SYNPO2: variants seen among roughly 807,000 people sequenced by gnomAD.
SYNPO2 encodes the protein synaptopodin-2.
In SYNPO2, 56 loss-of-function variants were observed where a neutral mutation model predicts 85.0. The observed-to-expected ratio is 0.66, with a 90% CI of 0.53 to 0.82. SYNPO2 has a LOEUF of 0.82. SYNPO2 is among the 40% of genes least tolerant of loss of function. SYNPO2 has a pLI of 0.00. For synonymous variants in SYNPO2, 602 were observed against 591.1 expected (o/e 1.02, Z -0.27); for missense variants, 1,575 against 1,534.2 (o/e 1.03, Z -0.44).
In SYNPO2 at chr4:119,031,765, A is replaced by G. The variant is rs766131048; in HGVS notation, c.2990A>G (p.Asn997Ser). 1.9e-6 allele frequency: 3 copies of G among 1,614,200 alleles called. No homozygotes were observed. Among genetic ancestry groups the G allele is most frequent in the Non-Finnish European group, 2.5e-6 (3 of 1,180,040 alleles). The change falls in exon 4 of 5, where the codon AAT becomes AGT. Residue 997 changes from asparagine to serine, a missense_variant. Asn to Ser is a conservative substitution (Grantham distance 46). Around this residue, in one of 3 missense-constraint regions of SYNPO2, gnomAD observed 1,508 missense variants for 1,446.8 expected, o/e 1.04. Coordinates refer to ENST00000307142, the MANE Select transcript of SYNPO2 (RefSeq NM_133477.3). The stretch of plus-strand genomic sequence containing the variant: ...CCCCAGAAGTCATCAGTCAAGGTCA[A>G]TTCAGCCCTGGCCATGAAGCAAGCT... Reference protein sequence around the residue: ...GLPQKSSVKVNSALAMKQALP... With the variant: ...GLPQKSSVKVSSALAMKQALP...
chr4:118,877,447 T>C (rs769420123), intron 1 of SYNPO2, among the ~76,000 whole-genome samples: 7 of 152,294 alleles, frequency 4.6e-5, no homozygotes, highest in Admixed American at 1.3e-4. Context: ...GAGAAAATAT[T>C]TGCAAACTAT....
intron 1 of SYNPO2, among the ~76,000 whole-genome samples, chr4:118,851,940 CA>C (rs1403046955): frequency 2.0e-5 from 3 of 152,132 alleles, no homozygotes; most frequent in African/African-American, 7.2e-5. Context: ...CACCAAAACT[CA>C]GCAAGAGTTT....
intron 1 of SYNPO2, among the ~76,000 whole-genome samples, chr4:118,928,093 G>A (rs1325507625): frequency 2.0e-5 from 3 of 152,184 alleles, no homozygotes; most frequent in African/African-American, 7.2e-5. Flanking sequence ...CCCAGAAGGA[G>A]CTTTCAAACA....
intron 1 of SYNPO2, among the ~76,000 whole-genome samples, chr4:118,877,147 C>T (rs145052497): frequency 1.3e-5 from 2 of 152,022 alleles, no homozygotes; most frequent in Non-Finnish European, 2.9e-5. Context: ...AACTTAAAAG[C>T]ACATAAATGT....
chr4:118,966,094 A>T (rs1328141524), intron 1 of SYNPO2, among the ~76,000 whole-genome samples: 1 of 152,010 alleles, frequency 6.6e-6, no homozygotes, highest in Non-Finnish European at 1.5e-5. Context: ...GGGATGGGAG[A>T]CTATTGTGGA....
intron 4 of SYNPO2, among the ~76,000 whole-genome samples, chr4:119,053,590 C>T (rs1228085696): frequency 6.6e-6 from 1 of 152,158 alleles, no homozygotes; most frequent in Non-Finnish European, 1.5e-5. Context: ...AAAGCCCTGG[C>T]TTACTCTTTC....
chr4:118,940,662 A>T (rs1211561426), intron 1 of SYNPO2, among the ~76,000 whole-genome samples: 3 of 152,144 alleles, frequency 2.0e-5, no homozygotes, highest in Non-Finnish European at 4.4e-5. Context: ...CCTACCTGGG[A>T]GTAGTCAGGG....
At chr4:118,990,513 T>G (rs6850935) in intron 1 of SYNPO2, among the ~76,000 whole-genome samples, 84,603 of 152,010 alleles carry the variant, frequency 0.56, 23,641 homozygotes, top group South Asian at 0.63. Context: ...GTCCTTGTTC[T>G]CATGGATCTT....
rs139766422 is a variant in SYNPO2, at chr4:119,030,631, C to T, written c.1856C>T (p.Pro619Leu). The T allele has an allele frequency of 2.9e-4, 474 of 1,614,034 alleles. 1 individual carries two copies. The highest frequency in any genetic ancestry group is 3.8e-4 in the Non-Finnish European group (449 of 1,180,054). ...AGTCCCATTGCTGACTTTCCTGCACCTCCACCTTACTCTGCAGTCACTCCT... is the reference window on the plus strand; with the variant it reads ...AGTCCCATTGCTGACTTTCCTGCACTTCCACCTTACTCTGCAGTCACTCCT... ...MTSPIADFPAPPPYSAVTPPP... is the reference protein window; with the variant it reads ...MTSPIADFPALPPYSAVTPPP... Residue 619 changes from proline to leucine, a missense_variant, in exon 4 of 5, where the codon CCT (proline) becomes CTT (leucine). By Grantham distance (98) the Pro-to-Leu change is moderately conservative. This residue lies in a region of SYNPO2 where 1,508 missense variants were observed against 1,446.8 expected (regional missense o/e 1.04). Transcript: ENST00000307142.
At chr4:118,961,574 C>A (rs573206358) in intron 1 of SYNPO2, among the ~76,000 whole-genome samples, 1 of 152,288 alleles carries the variant, frequency 6.6e-6, no homozygotes, top group South Asian at 2.1e-4. Context: ...ACCCATTGCT[C>A]TATCACGTTA....
chr4:118,940,603 A>G (rs1394896660), intron 1 of SYNPO2, among the ~76,000 whole-genome samples: 5 of 152,132 alleles, frequency 3.3e-5, no homozygotes, highest in African/African-American at 1.2e-4. Context: ...TGAGGGAGAC[A>G]TTAGTATGAT....
In SYNPO2 at chr4:119,057,442, A is replaced by C. The variant is rs2149202576; in HGVS notation, c.3294A>C (p.Pro1098=). 6.2e-7 allele frequency: 1 copy of C among 1,612,542 alleles called. No homozygotes were observed. The highest frequency in any genetic ancestry group is 8.5e-7 in the Non-Finnish European group (1 of 1,179,492). ...TTTCTCTTCCTGGAAGATCAGTCCC[A>C]CCCCCCATTTCTACATCTCCTTGGG... The part of the protein sequence containing the change: ...RSLSLPGRSV[P]PPISTSPWVY... Residue 1098 remains proline, a synonymous_variant, in exon 5 of 5, where the codon CCA becomes CCC. Coordinates refer to ENST00000307142, the MANE Select transcript of SYNPO2 (RefSeq NM_133477.3).
At chr4:118,946,036 G>A (rs1042579736) in intron 1 of SYNPO2, among the ~76,000 whole-genome samples, 3 of 152,078 alleles carry the variant, frequency 2.0e-5, no homozygotes, top group Non-Finnish European at 4.4e-5. Context: ...GAGCCACCAC[G>A]CCTGGCCAAT....
Position 118,894,478 on chromosome 4 carries a change from C to G in SYNPO2, c.105+5337C>G, listed in dbSNP as rs182726339. ...AGCAGTTTATTTCCTGGTAGCTTGT[C>G]TTCTCCATCCGTGGACTTGCTAGCC... On this transcript the variant is annotated intron_variant, in intron 1 of 4. Transcript: ENST00000307142. Among the ~76,000 whole-genome samples the G allele has an allele frequency of 1.1e-4, 16 of 151,958 alleles. No homozygotes were observed. In the East Asian group the frequency reaches 3.1e-3, roughly 29 times the overall value.
intron 1 of SYNPO2, among the ~76,000 whole-genome samples, chr4:118,976,007 C>T (rs535180496): frequency 6.6e-6 from 1 of 152,240 alleles, no homozygotes; most frequent in Non-Finnish European, 1.5e-5. Flanking sequence ...TATTAATAGA[C>T]TCCCTGTCCC....
intron 1 of SYNPO2, among the ~76,000 whole-genome samples, chr4:119,004,605 T>C (rs1246458887): frequency 6.8e-6 from 1 of 147,004 alleles, no homozygotes; most frequent in East Asian, 2.0e-4. Context: ...ATGTGCCACA[T>C]TTTCTTAATC....
intron 4 of SYNPO2, among the ~76,000 whole-genome samples, chr4:119,053,708 T>C (rs1362700975): frequency 6.6e-6 from 1 of 152,224 alleles, no homozygotes; most frequent in African/African-American, 2.4e-5. Flanking sequence ...AAGTTTCAAT[T>C]CTTCTGAATA....
At chr4:118,946,576 C>G (rs1354321905) in intron 1 of SYNPO2, among the ~76,000 whole-genome samples, 1 of 152,184 alleles carries the variant, frequency 6.6e-6, no homozygotes, top group African/African-American at 2.4e-5. Flanking sequence ...CCCTACACAT[C>G]GTTCGCTCGT....
rs6832156 is a variant in SYNPO2 at position 118,868,685 on chromosome 4, G to A, written c.12+17745G>A. Among the ~76,000 whole-genome samples, 1,380 of 152,176 alleles carry A rather than the reference G, an allele frequency of 9.1e-3. 20 individuals are homozygous for A. The highest frequency in any genetic ancestry group is 0.032 in the African/African-American group (1,311 of 41,508). ...AACTAGAAATAATGAAATGAGATCT[G>A]GAAGTTGTACTTCGAATGACAGGCA... is the stretch of plus-strand genomic sequence containing the variant. On this transcript the variant is annotated intron_variant, in intron 1 of 4. Transcript: ENST00000610556.
Sources: allele counts gnomAD v4.1 joint callset (sites outside exome capture counted in the v4.1 genomes callset), GRCh38; gene constraint gnomAD v4.1.1; regional missense constraint gnomAD v4.1.1; transcripts MANE v1.5; gene names NCBI Gene and HGNC (gene_info 2026-07-23, HGNC 2026-07-21).